CEP120: variants seen among roughly 807,000 people sequenced by gnomAD.
CEP120 encodes centrosomal protein of 120 kDa.
In CEP120, 113 loss-of-function variants were observed where a neutral mutation model predicts 126.5. The observed-to-expected ratio is 0.89, with a 90% CI of 0.77 to 1.04. CEP120 has a LOEUF of 1.04. Ranked by LOEUF, CEP120 falls within the 50% of genes least tolerant of loss-of-function variation. The pLI is 0.00. For missense variants in CEP120, 1,230 were observed against 1,155.7 expected (o/e 1.06, Z -0.93); for synonymous variants, 400 against 394.3 (o/e 1.01, Z -0.17).
rs1457932795 is a variant in CEP120, at chr5:123,377,543, C to A, written c.2197-8G>T. 6 of 1,571,458 alleles carry A rather than the reference C, an allele frequency of 3.8e-6. No individual in the cohort carries two copies. The African/African-American group carries it at 8.3e-5, about 22-fold the overall frequency. ...CTTTTTTTCTCTTTGAAGCTTAAAA[C>A]AAAGGCATCTTTAAGAGGTTGGTTT... On this transcript the variant is annotated splice_polypyrimidine_tract_variant and splice_region_variant and intron_variant, in intron 15 of 19. Coordinates refer to ENST00000306467, the MANE Select transcript of CEP120 (RefSeq NM_001375405.1).
intron 7 of CEP120, 60 bp from the exon 8 acceptor site, chr5:123,390,200 A>G (rs1772302745): frequency 8.4e-7 from 1 of 1,184,632 alleles, no homozygotes; most frequent in Non-Finnish European, 1.2e-6. Context: ...TAATTAAGCA[A>G]AAAACTTGGC....
At chr5:123,388,294 A>G (rs1772157829) in intron 9 of CEP120, 138 bp downstream of exon 9, 1 of 502,268 alleles carries the variant, frequency 2.0e-6, no homozygotes, top group Non-Finnish European at 3.4e-6. Context: ...TCATTAGGAT[A>G]TAGCCTTACC....
intron 19 of CEP120, among the ~76,000 whole-genome samples, chr5:123,347,796 C>T (rs765502828): frequency 1.3e-5 from 2 of 152,074 alleles, no homozygotes; most frequent in Non-Finnish European, 2.9e-5. Context: ...TAGGCCATGC[C>T]ACCACACCCG....
intron 19 of CEP120, among the ~76,000 whole-genome samples, chr5:123,349,621 C>A (rs1250472345): frequency 6.6e-6 from 1 of 152,030 alleles, no homozygotes; most frequent in Non-Finnish European, 1.5e-5. Flanking sequence ...GTTTAATAGT[C>A]TTTGGCATAG....
At chr5:123,389,825 T>G in intron 8 of CEP120, 99 bp downstream of exon 8, 3 of 1,099,064 alleles carry the variant, frequency 2.7e-6, no homozygotes, top group East Asian at 2.5e-5. Context: ...AAACCCACAA[T>G]TTTTACTTAT....
intron 2 of CEP120, 144 bp downstream of exon 2, chr5:123,418,215 C>A: frequency 1.7e-6 from 1 of 579,706 alleles, no homozygotes; most frequent in Non-Finnish European, 2.7e-6. Context: ...GGGTCCCATC[C>A]CCAAGGTATC....
At chr5:123,420,723 C>T (rs1287046849) in intron 1 of CEP120, among the ~76,000 whole-genome samples, 1 of 152,206 alleles carries the variant, frequency 6.6e-6, no homozygotes, top group Non-Finnish European at 1.5e-5. Context: ...AAGAATCAGA[C>T]TACTGAAAAG....
chr5:123,399,354 G>GATT, intron 4 of CEP120, 70 bp from the exon 5 acceptor site: 1 of 1,421,584 alleles, frequency 7.0e-7, no homozygotes, highest in Non-Finnish European at 9.7e-7. Context: ...TTTTAAAACT[G>GATT]ATTATATTTT....
chr5:123,394,456 T>C (rs994912578), intron 5 of CEP120, among the ~76,000 whole-genome samples: 2 of 152,204 alleles, frequency 1.3e-5, no homozygotes, highest in African/African-American at 4.8e-5. Flanking sequence ...GAAAATCTAA[T>C]GCCACCACTG....
intron 3 of CEP120, among the ~76,000 whole-genome samples, chr5:123,412,969 C>T (rs1774157037): frequency 6.6e-6 from 1 of 152,094 alleles, no homozygotes; most frequent in Non-Finnish European, 1.5e-5. Flanking sequence ...CTGCTTATAT[C>T]AATAAGCATA....
At chr5:123,374,039 A>G (rs1333889663) in intron 16 of CEP120, among the ~76,000 whole-genome samples, 1 of 152,146 alleles carries the variant, frequency 6.6e-6, no homozygotes, top group Non-Finnish European at 1.5e-5. Context: ...AAAAAGACTG[A>G]GCATTACAGA....
At chr5:123,401,481 C>G (rs1773233108) in intron 4 of CEP120, 1 of 1,265,342 alleles carries the variant, frequency 7.9e-7, no homozygotes, top group African/African-American at 1.5e-5. Context: ...CTCTGCAGCT[C>G]CTCATCCTTG....
At chr5:123,387,255 C>T (rs1385713235) in intron 9 of CEP120, among the ~76,000 whole-genome samples, 1 of 152,014 alleles carries the variant, frequency 6.6e-6, no homozygotes, top group Non-Finnish European at 1.5e-5. Context: ...TATATGAGAA[C>T]TAAAATTTAA....
At chr5:123,414,939 T>G (rs1411056424) in intron 3 of CEP120, among the ~76,000 whole-genome samples, 1 of 110,810 alleles carries the variant, frequency 9.0e-6, no homozygotes, top group African/African-American at 3.6e-5. Context: ...GCCACTACAC[T>G]CCAGCCTGGG....
rs143989466 is a variant in CEP120, at chr5:123,415,466, C to T, written c.321+544G>A. On this transcript the variant is annotated intron_variant, in intron 3 of 19. Coordinates refer to ENST00000306467, the MANE Select transcript of CEP120 (RefSeq NM_001375405.1). The stretch of plus-strand genomic sequence containing the variant: ...AGGCATGTTAAGCTTCCGGTAATAG[C>T]AACTTGGATACAAGTCAGTTCAGAG... Among the ~76,000 whole-genome samples the T allele has an allele frequency of 6.6e-3, 1,004 of 152,306 alleles. 9 individuals are homozygous for T. The highest frequency in any genetic ancestry group is 7.0e-3 in the African/African-American group (290 of 41,580).
intron 4 of CEP120, among the ~76,000 whole-genome samples, chr5:123,410,171 A>G (rs1441056289): frequency 6.6e-6 from 1 of 152,174 alleles, no homozygotes. Flanking sequence ...TATATGAAGA[A>G]AACTATAAAA....
At chr5:123,349,752 C>T (rs920511271) in intron 19 of CEP120, among the ~76,000 whole-genome samples, 192 bp downstream of exon 19, 2 of 152,088 alleles carry the variant, frequency 1.3e-5, no homozygotes, top group African/African-American at 2.4e-5. Flanking sequence ...ACGATCCTCC[C>T]ACCATCCTCT....
Position 123,386,632 on chromosome 5 carries a change from A to C in CEP120, c.1466T>G (p.Ile489Ser), listed in dbSNP as rs1772036040. 1.3e-6 allele frequency: 2 copies of C among 1,574,396 alleles called. No homozygotes were observed. The highest frequency in any genetic ancestry group is 2.8e-5 in the African/African-American group (2 of 72,464). Residue 489 changes from isoleucine to serine, a missense_variant, in exon 10 of 20, where the codon ATT (isoleucine) becomes AGT (serine). Coordinates refer to ENST00000306467, the MANE Select transcript of CEP120 (RefSeq NM_001375405.1). ...SYPFFGSAAPIMTNPPVEVRK... is the reference protein window; with the variant it reads ...SYPFFGSAAPSMTNPPVEVRK... Reference sequence around the variant, plus strand: ...AACTTCTACAGGAGGATTAGTCATAATAGGAGCTGCACTTCCAAAGAATGG... The same window carrying C: ...AACTTCTACAGGAGGATTAGTCATACTAGGAGCTGCACTTCCAAAGAATGG...
intron 4 of CEP120, among the ~76,000 whole-genome samples, chr5:123,408,281 T>C (rs1055063252): frequency 4.6e-5 from 7 of 150,764 alleles, no homozygotes; most frequent in Admixed American, 2.6e-4. Context: ...AGCAAATCAA[T>C]AGAACTGAAG....
Sources: allele counts gnomAD v4.1 joint callset (sites outside exome capture counted in the v4.1 genomes callset), GRCh38; gene constraint gnomAD v4.1.1; transcripts MANE v1.5; gene names NCBI Gene and HGNC (gene_info 2026-07-23, HGNC 2026-07-21).